Variants in MGAT4C observed in about 807,000 individuals in gnomAD.
MGAT4C encodes the protein MGAT4 family member C.
A neutral mutation model predicts 40.1 loss-of-function variants in MGAT4C; 19 were observed. That is an observed-to-expected ratio of 0.47 (90% CI 0.33 to 0.70). MGAT4C has a LOEUF of 0.70. Ranked by LOEUF, MGAT4C falls within the 30% of genes least tolerant of loss-of-function variation. The probability of loss-of-function intolerance (pLI) is 0.02; values close to 1 mark genes in which losing one functional copy is unlikely to be tolerated. For missense variants in MGAT4C, 491 were observed against 563.2 expected (o/e 0.87, Z 1.30); for synonymous variants, 181 against 187.1 (o/e 0.97, Z 0.27).
At chr12:86,438,807 G>A (rs1663267094) in intron 2 of MGAT4C, among the ~76,000 whole-genome samples, 1 of 151,480 alleles carries the variant, frequency 6.6e-6, no homozygotes, top group African/African-American at 2.4e-5. Flanking sequence ...GGAAACTGAG[G>A]GCAAGCAGGA....
At chr12:86,333,348 A>G (rs1032759079) in intron 4 of MGAT4C, among the ~76,000 whole-genome samples, 1 of 152,194 alleles carries the variant, frequency 6.6e-6, no homozygotes, top group Non-Finnish European at 1.5e-5. Context: ...TTGAAAATTC[A>G]TCATTTACCC....
intron 4 of MGAT4C, among the ~76,000 whole-genome samples, chr12:86,294,677 TG>T (rs1017010859): frequency 6.6e-6 from 1 of 152,064 alleles, no homozygotes; most frequent in African/African-American, 2.4e-5. Flanking sequence ...CAGCATTTGT[TG>T]GGGGGGAAAA....
rs765603078 is a variant in MGAT4C, at chr12:85,959,659, C to T, written c.*19630G>A. 2.6e-5 allele frequency: 4 copies of T among 151,284 alleles called. No individual in the cohort carries two copies. The highest frequency in any genetic ancestry group is 7.3e-5 in the African/African-American group (3 of 41,244). 9.4% of individuals were successfully genotyped at this position (151,284 alleles called of 1,614,324 possible). The stretch of plus-strand genomic sequence containing the variant: ...TTGTGTTGTAGTTTCTCAGAGCAAC[C>T]GCCGCTCATCTTTCACTCACCTTAA... On this transcript the variant is annotated 3_prime_UTR_variant, in exon 5 of 5. Transcript: ENST00000611864.
chr12:86,028,097 A>G lies in MGAT4C; in HGVS notation c.-7+21577T>C, dbSNP rs1435296857. ...ATCTTCCATCAACTACCTTTTCTAA[A>G]TAATACCTTGCATCTTCTGGATCCC... On this transcript the variant is annotated intron_variant, in intron 2 of 4. Coordinates refer to ENST00000611864, the MANE Select transcript of MGAT4C (RefSeq NM_001351288.2). 5.5e-6 allele frequency: 7 copies of G among 1,282,244 alleles called. No homozygotes were observed. In the African/African-American group the frequency reaches 7.6e-5, roughly 14 times the overall value. 79.4% of individuals were successfully genotyped at this position (1,282,244 alleles called of 1,614,324 possible). A position where few individuals can be genotyped will look rare whatever the true frequency, so the allele number is the denominator to read the frequency against.
At chr12:86,510,005 A>C (rs541806856) in intron 2 of MGAT4C, among the ~76,000 whole-genome samples, 3 of 152,156 alleles carry the variant, frequency 2.0e-5, no homozygotes, top group Non-Finnish European at 2.9e-5. Flanking sequence ...TGTCGTCTGC[A>C]AACAGGGACA....
At chr12:86,032,856 T>C (rs886406963) in intron 2 of MGAT4C, among the ~76,000 whole-genome samples, 1 of 149,926 alleles carries the variant, frequency 6.7e-6, no homozygotes, top group Non-Finnish European at 1.5e-5. Flanking sequence ...ATGTCCAGAA[T>C]GGTATTTCCT....
At chr12:86,493,211 A>T (rs1390004842) in intron 2 of MGAT4C, among the ~76,000 whole-genome samples, 1 of 150,794 alleles carries the variant, frequency 6.6e-6, no homozygotes, top group Non-Finnish European at 1.5e-5. Context: ...ACTGTAAACT[A>T]GTTTAACCAT....
At chr12:86,523,845 C>G (rs554874955) in intron 2 of MGAT4C, among the ~76,000 whole-genome samples, 3 of 151,984 alleles carry the variant, frequency 2.0e-5, no homozygotes, top group Non-Finnish European at 2.9e-5. Flanking sequence ...TTTAATGCCC[C>G]TTTTTGTCTT....
intron 1 of MGAT4C, among the ~76,000 whole-genome samples, chr12:86,737,584 T>C (rs944358341): frequency 6.6e-6 from 1 of 151,506 alleles, no homozygotes; most frequent in African/African-American, 2.4e-5. Flanking sequence ...TTCAAATTTA[T>C]GTCTCCAGCT....
chr12:86,001,165 C>T (rs1283020088), intron 2 of MGAT4C, among the ~76,000 whole-genome samples: 1 of 152,156 alleles, frequency 6.6e-6, no homozygotes, highest in Non-Finnish European at 1.5e-5. Flanking sequence ...TATGATCACC[C>T]TGACCTGCCA....
rs1883175176 is a variant in MGAT4C at position 85,962,667 on chromosome 12, T to G, written c.*16622A>C. ...TTCAACTTGTAATGAACTGTAAACT[T>G]CACCCATAACATTATTAATATATCA... On this transcript the variant is annotated 3_prime_UTR_variant, in exon 5 of 5. Coordinates refer to ENST00000611864, the MANE Select transcript of MGAT4C (RefSeq NM_001351288.2). 1 of 151,094 alleles carries G rather than the reference T, an allele frequency of 6.6e-6. No individual in the cohort carries two copies. Among genetic ancestry groups the G allele is most frequent in the Admixed American group, 6.6e-5 (1 of 15,152 alleles). The allele number at this position is 151,094 out of a possible 1,614,324, so 9.4% of individuals were successfully genotyped here. A position where few individuals can be genotyped will look rare whatever the true frequency, so the allele number is the denominator to read the frequency against.
chr12:86,237,652 A>C (rs1325926444), intron 1 of MGAT4C, among the ~76,000 whole-genome samples: 1 of 151,856 alleles, frequency 6.6e-6, no homozygotes, highest in African/African-American at 2.4e-5. Flanking sequence ...ATACAGATGA[A>C]TATTAGGAGA....
At chr12:86,827,101 A>T (rs575545776) in intron 1 of MGAT4C, among the ~76,000 whole-genome samples, 73 of 151,456 alleles carry the variant, frequency 4.8e-4, no homozygotes, top group African/African-American at 1.6e-3. Flanking sequence ...TTTCAGACAC[A>T]AGGTATTTAT....
intron 1 of MGAT4C, among the ~76,000 whole-genome samples, chr12:86,828,132 T>C (rs1952843521): frequency 6.6e-6 from 1 of 151,086 alleles, no homozygotes; most frequent in Non-Finnish European, 1.5e-5. Flanking sequence ...GCATTTAAAA[T>C]GTAAAATCTG....
intron 3 of MGAT4C, among the ~76,000 whole-genome samples, chr12:86,361,824 A>T (rs1421636807): frequency 1.3e-5 from 2 of 152,244 alleles, no homozygotes; most frequent in African/African-American, 4.8e-5. Flanking sequence ...ATCATTAAAA[A>T]GTCAGGAAAC....
intron 2 of MGAT4C, among the ~76,000 whole-genome samples, chr12:86,570,875 G>A (rs1302036358): frequency 6.6e-6 from 1 of 151,974 alleles, no homozygotes; most frequent in African/African-American, 2.4e-5. Context: ...ATGCAGTGGC[G>A]TGACCTTGGC....
At chr12:86,445,791 T>G (rs1256565561) in intron 2 of MGAT4C, among the ~76,000 whole-genome samples, 1 of 152,184 alleles carries the variant, frequency 6.6e-6, no homozygotes, top group Non-Finnish European at 1.5e-5. Flanking sequence ...AAACAAATAT[T>G]ATGTCTTGTA....
intron 4 of MGAT4C, among the ~76,000 whole-genome samples, chr12:86,282,449 T>A (rs1380555316): frequency 6.6e-6 from 1 of 152,094 alleles, no homozygotes; most frequent in Non-Finnish European, 1.5e-5. Context: ...GTTACCATTT[T>A]TCTACTGAGG....
At chr12:86,767,459 C>G (rs930861547) in intron 1 of MGAT4C, among the ~76,000 whole-genome samples, 1 of 152,172 alleles carries the variant, frequency 6.6e-6, no homozygotes, top group African/African-American at 2.4e-5. Flanking sequence ...TGGCACCATT[C>G]CTTCTGAAAC....
Sources: gnomAD v4.1 joint callset for allele counts (sites outside exome capture counted in the v4.1 genomes callset) on GRCh38, gnomAD v4.1.1 for gene constraint, MANE v1.5 for transcripts, NCBI Gene and HGNC (gene_info 2026-07-23, HGNC 2026-07-21) for gene names.